CNTNAP5: variants seen among roughly 807,000 people sequenced by gnomAD.
CNTNAP5 encodes the protein contactin associated protein family member 5, also known as contactin-associated protein-like 5.
In CNTNAP5, 72 loss-of-function variants were observed where a neutral mutation model predicts 150.2. That is an observed-to-expected ratio of 0.48 (90% confidence interval 0.40 to 0.58). CNTNAP5 has a LOEUF of 0.58. CNTNAP5 is among the 20% of genes least tolerant of loss of function. CNTNAP5 has a pLI of 0.00. For synonymous variants in CNTNAP5, 672 were observed against 619.8 expected (o/e 1.08, Z -1.25); for missense variants, 1,636 against 1,626.2 (o/e 1.01, Z -0.10).
intron 1 of CNTNAP5, among the ~76,000 whole-genome samples, chr2:124,134,789 T>G (rs1020280294): frequency 6.6e-6 from 1 of 152,156 alleles, no homozygotes; most frequent in African/African-American, 2.4e-5. Flanking sequence ...ACCTGTCCAT[T>G]CCCCAAGACT....
chr2:124,441,739 A>G (rs941663918), intron 5 of CNTNAP5, among the ~76,000 whole-genome samples: 3 of 151,928 alleles, frequency 2.0e-5, no homozygotes, highest in Non-Finnish European at 2.9e-5. Flanking sequence ...TTAAATCACT[A>G]GCCACTTAAA....
At chr2:124,044,518 TC>T (rs1363119320) in intron 1 of CNTNAP5, among the ~76,000 whole-genome samples, 1 of 152,132 alleles carries the variant, frequency 6.6e-6, no homozygotes, top group Non-Finnish European at 1.5e-5. Flanking sequence ...CAGGAACTGG[TC>T]TTAGATATTG....
At chr2:124,710,031 G>T (rs1030974957) in intron 13 of CNTNAP5, among the ~76,000 whole-genome samples, 2 of 152,058 alleles carry the variant, frequency 1.3e-5, no homozygotes, top group South Asian at 4.1e-4. Context: ...GTGGTCCCGG[G>T]TCTTACTTTT....
intron 2 of CNTNAP5, among the ~76,000 whole-genome samples, chr2:124,227,631 A>G (rs565593309): frequency 6.4e-5 from 8 of 124,520 alleles, no homozygotes; most frequent in African/African-American, 1.8e-4. Context: ...AACTCAGCAC[A>G]TCGTGTGTAT....
chr2:124,864,066 G>T (rs1330391242), intron 19 of CNTNAP5, among the ~76,000 whole-genome samples: 2 of 152,114 alleles, frequency 1.3e-5, no homozygotes, highest in Non-Finnish European at 2.9e-5. Flanking sequence ...ATGCAGTTGG[G>T]CTGCTTGGCT....
chr2:124,765,893 T>A (rs1573602788), intron 16 of CNTNAP5, among the ~76,000 whole-genome samples: 1 of 151,802 alleles, frequency 6.6e-6, no homozygotes, highest in Non-Finnish European at 1.5e-5. Context: ...CTGGCAGAGG[T>A]TGCAGTAAGC....
rs529787697 is a variant in CNTNAP5, at chr2:124,423,765, C to T, written c.529+6175C>T. ...CTGCAAGCTCCGCCTCCCAGGTTCA[C>T]GCCATTCTCCTGCCTCAGCCTCCCG... On this transcript the variant is annotated intron_variant, in intron 4 of 23. Transcript: ENST00000682447. 2.0e-3 allele frequency among the ~76,000 whole-genome samples: 262 copies of T among 133,654 alleles called. 4 individuals are homozygous for T. Among genetic ancestry groups the T allele is most frequent in the Admixed American group, 0.016 (193 of 11,938 alleles). The allele number at this position is 133,654 out of a possible 152,430, so 87.7% of individuals were successfully genotyped here.
chr2:124,510,649 G>T (rs2104871580), intron 8 of CNTNAP5, among the ~76,000 whole-genome samples: 1 of 151,844 alleles, frequency 6.6e-6, no homozygotes, highest in East Asian at 1.9e-4. Context: ...GATGAAGGCT[G>T]CCAAGTGACA....
intron 1 of CNTNAP5, among the ~76,000 whole-genome samples, chr2:124,205,272 C>T (rs1377230051): frequency 6.6e-6 from 1 of 152,124 alleles, no homozygotes; most frequent in African/African-American, 2.4e-5. Context: ...GTTTTATAAA[C>T]ATCTGGCATT....
chr2:124,804,619 C>T (rs1274573079), intron 19 of CNTNAP5, among the ~76,000 whole-genome samples: 1 of 152,110 alleles, frequency 6.6e-6, no homozygotes, highest in Non-Finnish European at 1.5e-5. Context: ...CCTGCTCTCT[C>T]TTTGAATGCC....
intron 13 of CNTNAP5, among the ~76,000 whole-genome samples, chr2:124,722,173 C>A (rs1190889100): frequency 6.6e-6 from 1 of 152,074 alleles, no homozygotes; most frequent in Non-Finnish European, 1.5e-5. Context: ...TCATAACATT[C>A]TGCTCTTTGG....
chr2:124,545,739 C>T (rs897687193), intron 10 of CNTNAP5, among the ~76,000 whole-genome samples: 2 of 152,016 alleles, frequency 1.3e-5, no homozygotes, highest in Admixed American at 6.6e-5. Flanking sequence ...CTATACCAGA[C>T]TACAGATGTT....
At chr2:124,791,537 A>G (rs1310876958) in intron 18 of CNTNAP5, among the ~76,000 whole-genome samples, 1 of 152,150 alleles carries the variant, frequency 6.6e-6, no homozygotes, top group Middle Eastern at 3.2e-3. Context: ...AATAAATACT[A>G]TGAGACCCTG....
intron 4 of CNTNAP5, among the ~76,000 whole-genome samples, chr2:124,431,116 G>A (rs958715780): frequency 6.6e-5 from 10 of 152,104 alleles, no homozygotes; most frequent in African/African-American, 1.9e-4. Flanking sequence ...TGTTAGACTC[G>A]TTCTACTGAT....
chr2:124,650,702 G>A (rs974291990), intron 13 of CNTNAP5, among the ~76,000 whole-genome samples: 6 of 152,098 alleles, frequency 3.9e-5, no homozygotes, highest in African/African-American at 1.4e-4. Context: ...CTCTTTTACA[G>A]CCTGTATTTG....
intron 1 of CNTNAP5, among the ~76,000 whole-genome samples, chr2:124,129,322 T>A (rs939275450): frequency 1.3e-5 from 2 of 152,136 alleles, no homozygotes; most frequent in African/African-American, 4.8e-5. Flanking sequence ...TAAAGACAGT[T>A]CTCTAAAGCC....
At chr2:124,161,060 T>C (rs1367046199) in intron 1 of CNTNAP5, among the ~76,000 whole-genome samples, 1 of 152,148 alleles carries the variant, frequency 6.6e-6, no homozygotes, top group Admixed American at 6.5e-5. Context: ...AAAGGAAGTA[T>C]AGATAATAAA....
intron 19 of CNTNAP5, among the ~76,000 whole-genome samples, chr2:124,836,527 G>A (rs1361203332): frequency 2.0e-5 from 3 of 151,988 alleles, no homozygotes; most frequent in African/African-American, 7.2e-5. Flanking sequence ...GAGGATTCCT[G>A]GGACACTTAC....
chr2:124,210,662 T>G (rs532534902), intron 1 of CNTNAP5, among the ~76,000 whole-genome samples: 2 of 152,274 alleles, frequency 1.3e-5, no homozygotes, highest in South Asian at 4.1e-4. Flanking sequence ...CATATAGAAA[T>G]TGAAGCAAAC....
Sources: gnomAD v4.1 joint callset for allele counts (sites outside exome capture counted in the v4.1 genomes callset) on GRCh38, gnomAD v4.1.1 for gene constraint, MANE v1.5 for transcripts, NCBI Gene and HGNC (gene_info 2026-07-23, HGNC 2026-07-21) for gene names.